TASP1: variants seen among roughly 807,000 people sequenced by gnomAD.
The protein encoded by TASP1 is threonine aspartase 1.
Under a neutral mutation model 56.6 loss-of-function variants are expected in TASP1, and 16 were observed. That is an observed-to-expected ratio of 0.28 (90% CI 0.19 to 0.43). TASP1 has a LOEUF of 0.43. Ranked by LOEUF, TASP1 falls within the 20% of genes least tolerant of loss-of-function variation. TASP1 has a pLI of 1.00. For missense variants in TASP1, 393 were observed against 511.6 expected (o/e 0.77, Z 2.24); for synonymous variants, 179 against 184.2 (o/e 0.97, Z 0.23).
chr20:13,399,211 A>C (rs1280593699), intron 13 of TASP1, among the ~76,000 whole-genome samples: 1 of 151,980 alleles, frequency 6.6e-6, no homozygotes, highest in East Asian at 1.9e-4. Context: ...ATAAGTACAA[A>C]ATTTCCCCAG....
chr20:13,503,548 T>C (rs972355582), intron 10 of TASP1, among the ~76,000 whole-genome samples: 2 of 152,076 alleles, frequency 1.3e-5, no homozygotes, highest in African/African-American at 4.8e-5. Context: ...TAATGCAACA[T>C]GTCAAAGAAC....
chr20:13,261,260 A>T, the TASP1 span, among the ~76,000 whole-genome samples: 1 of 151,992 alleles, frequency 6.6e-6, no homozygotes, highest in East Asian at 1.9e-4. Flanking sequence ...CTAAAAATAT[A>T]AAAAATTAGC....
the TASP1 span, chr20:13,126,563 C>G: frequency 2.5e-6 from 4 of 1,611,758 alleles, no homozygotes; most frequent in African/African-American, 5.3e-5. Flanking sequence ...TATTTGCCTT[C>G]TTTTTGGGTT....
intron 4 of TASP1, among the ~76,000 whole-genome samples, chr20:13,590,314 A>G (rs2047475699): frequency 6.6e-6 from 1 of 152,186 alleles, no homozygotes; most frequent in African/African-American, 2.4e-5. Context: ...ATACTACTTC[A>G]AACCCACAAG....
At chr20:13,448,876 A>C (rs917511653) in intron 11 of TASP1, among the ~76,000 whole-genome samples, 12 of 151,376 alleles carry the variant, frequency 7.9e-5, no homozygotes, top group East Asian at 1.9e-4. Flanking sequence ...AACACAAAAC[A>C]AACCAACCAA....
chr20:13,126,739 A>G, the TASP1 span: 10 of 1,613,228 alleles, frequency 6.2e-6, no homozygotes, highest in African/African-American at 1.3e-5. Flanking sequence ...TGCAGAGAGC[A>G]CAGCTCCTGG....
the TASP1 span, among the ~76,000 whole-genome samples, chr20:13,125,804 T>C: frequency 2.0e-5 from 3 of 152,260 alleles, no homozygotes; most frequent in East Asian, 5.8e-4. Flanking sequence ...CACCACACCA[T>C]CACCTCTGCC....
chr20:13,423,395 A>G (rs80279697), intron 12 of TASP1, among the ~76,000 whole-genome samples: 2,704 of 152,268 alleles, frequency 0.018, 76 homozygotes, highest in African/African-American at 0.059. Flanking sequence ...GATCTCTTCT[A>G]CTGGGTTCTT....
the TASP1 span, among the ~76,000 whole-genome samples, chr20:13,156,229 T>G: frequency 7.2e-5 from 11 of 152,270 alleles, no homozygotes; most frequent in Non-Finnish European, 1.2e-4. Flanking sequence ...AACACATAAT[T>G]CTGGAGTGTT....
At chr20:13,627,096 T>C (rs900423267) in intron 2 of TASP1, among the ~76,000 whole-genome samples, 1 of 152,218 alleles carries the variant, frequency 6.6e-6, no homozygotes, top group African/African-American at 2.4e-5. Context: ...TTCATTTAAG[T>C]AACCATAAAC....
At chr20:13,476,075 C>T (rs774027666) in intron 11 of TASP1, among the ~76,000 whole-genome samples, 7 of 151,790 alleles carry the variant, frequency 4.6e-5, no homozygotes, top group Non-Finnish European at 7.4e-5. Flanking sequence ...GCCGAGATCA[C>T]GCCACTGTAC....
chr20:13,506,563 C>G (rs1436927996), intron 10 of TASP1, among the ~76,000 whole-genome samples: 1 of 152,090 alleles, frequency 6.6e-6, no homozygotes, highest in Non-Finnish European at 1.5e-5. Context: ...TGAGATTTGT[C>G]TCCAGAATGT....
intron 9 of TASP1, among the ~76,000 whole-genome samples, chr20:13,531,315 A>G (rs2045208396): frequency 6.6e-6 from 1 of 151,454 alleles, no homozygotes; most frequent in Admixed American, 6.8e-5. Flanking sequence ...CTAGATCGGA[A>G]GTCCACACTT....
intron 10 of TASP1, among the ~76,000 whole-genome samples, chr20:13,489,025 G>T (rs1164025642): frequency 6.6e-6 from 1 of 152,116 alleles, no homozygotes; most frequent in Non-Finnish European, 1.5e-5. Context: ...ATACTGGGCT[G>T]CAAAAACAAC....
At chr20:13,522,262 T>A (rs919775147) in intron 10 of TASP1, among the ~76,000 whole-genome samples, 2 of 152,118 alleles carry the variant, frequency 1.3e-5, no homozygotes, top group African/African-American at 4.8e-5. Context: ...GTATATCGTT[T>A]GAGTTCGGTT....
At chr20:13,313,447 G>A in the TASP1 span, among the ~76,000 whole-genome samples, 7 of 152,270 alleles carry the variant, frequency 4.6e-5, no homozygotes, top group East Asian at 1.9e-4. Context: ...AGGTAAACAC[G>A]GAGCCGTAGT....
the TASP1 span, among the ~76,000 whole-genome samples, chr20:13,200,855 T>C: frequency 1.3e-5 from 2 of 152,228 alleles, no homozygotes; most frequent in African/African-American, 4.8e-5. Context: ...ATTACATGCA[T>C]TTTCAAAGAG....
chr20:13,489,381 T>C (rs1230157831), intron 10 of TASP1, among the ~76,000 whole-genome samples: 2 of 152,156 alleles, frequency 1.3e-5, no homozygotes, highest in African/African-American at 4.8e-5. Context: ...GAGCATTAAG[T>C]TGAATGTCTC....
chr20:13,552,813 G>A (rs1008486598), intron 8 of TASP1, among the ~76,000 whole-genome samples: 1 of 152,170 alleles, frequency 6.6e-6, no homozygotes, highest in African/African-American at 2.4e-5. Context: ...CACTGTTAAT[G>A]TTTCTAAATG....
Sources: gnomAD v4.1 joint callset for allele counts (sites outside exome capture counted in the v4.1 genomes callset) on GRCh38, gnomAD v4.1.1 for gene constraint, MANE v1.5 for transcripts, NCBI Gene and HGNC (gene_info 2026-07-23, HGNC 2026-07-21) for gene names.